IDI1: variants seen among roughly 807,000 people sequenced by gnomAD.
IDI1 encodes isopentenyl-diphosphate Delta-isomerase 1.
Under a neutral mutation model 32.9 loss-of-function variants are expected in IDI1, and 23 were observed. That is an observed-to-expected ratio of 0.70 (90% confidence interval 0.50 to 0.99). IDI1 has a LOEUF of 0.99. Among genes scored for constraint, IDI1 ranks in the 50% least tolerant of loss-of-function variants. The pLI, the probability that IDI1 is intolerant of heterozygous loss-of-function variation, is 0.00. For synonymous variants in IDI1, 133 were observed against 128.2 expected (o/e 1.04, Z -0.25); for missense variants, 326 against 351.9 (o/e 0.93, Z 0.59).
Position 1,041,734 on chromosome 10 carries a change from A to G in IDI1, c.538-230T>C, listed in dbSNP as rs76787281. Among the ~76,000 whole-genome samples, 1,032 of 148,938 alleles carry G rather than the reference A, an allele frequency of 6.9e-3. 18 individuals are homozygous for G. The highest frequency in any genetic ancestry group is 0.023 in the African/African-American group (907 of 39,814). On this transcript the variant is annotated intron_variant, in intron 4 of 4. Coordinates refer to ENST00000381344, the MANE Select transcript of IDI1 (RefSeq NM_004508.4). Reference sequence around the variant, plus strand: ...GTGTTTGCGTTTTTTTCCCGATCAGATAAGTTTTTTTTTTTTTAATGTTAA... The same window carrying G: ...GTGTTTGCGTTTTTTTCCCGATCAGGTAAGTTTTTTTTTTTTTAATGTTAA...
chr10:1,041,839 G>A (rs1832604833), intron 4 of IDI1, among the ~76,000 whole-genome samples: 1 of 139,708 alleles, frequency 7.2e-6, no homozygotes, highest in Admixed American at 7.8e-5. Flanking sequence ...ACGGAGTCTT[G>A]CTGTCACCCA....
At chr10:1,045,931 T>C (rs1350294948) in intron 1 of IDI1, among the ~76,000 whole-genome samples, 2 of 152,030 alleles carry the variant, frequency 1.3e-5, no homozygotes, top group African/African-American at 2.4e-5. Flanking sequence ...GATGGAGATA[T>C]TGATATCTAA....
chr10:1,048,616 A>C (rs564313480), intron 1 of IDI1: 1 of 1,401,560 alleles, frequency 7.1e-7, no homozygotes, highest in African/African-American at 1.5e-5. Context: ...GCTGACAAAG[A>C]ATGGCAACGT....
chr10:1,042,659 T>G lies in IDI1; in HGVS notation c.510A>C (p.Lys170Asn). The G allele has an allele frequency of 3.7e-6, 6 of 1,614,094 alleles. No homozygotes were observed. The highest frequency in any genetic ancestry group is 5.1e-6 in the Non-Finnish European group (6 of 1,179,974). Residue 170 changes from lysine to asparagine, a missense_variant, in exon 4 of 5, where the codon AAA (lysine) becomes AAC (asparagine). This residue lies in a region of IDI1 where 205 missense variants were observed against 273.5 expected (regional missense o/e 0.75). Coordinates refer to ENST00000381344, the MANE Select transcript of IDI1 (RefSeq NM_004508.4). ...GVRRAAQRRL[K>N]AELGIPLEEV... ...CTTCCAAGGGAATTCCTAGCTCAGC[T>G]TTCAGCCGTCTCTGTGCTGCTCGCC...
intron 2 of IDI1, 51 bp from the exon 3 acceptor site, chr10:1,043,444 G>T: frequency 9.0e-7 from 1 of 1,115,272 alleles, no homozygotes; most frequent in Non-Finnish European, 1.4e-6. Context: ...CCAGTTATTT[G>T]CCAAATTCTC....
upstream of IDI1, among the ~76,000 whole-genome samples, chr10:1,053,607 G>A (rs1027495517): frequency 3.3e-5 from 5 of 152,166 alleles, no homozygotes; most frequent in Non-Finnish European, 7.3e-5. Flanking sequence ...TCACGACTTA[G>A]CTGTTTCAAC....
chr10:1,041,526 AG>A, intron 4 of IDI1, 22 bp from the exon 5 acceptor site: 1 of 1,287,642 alleles, frequency 7.8e-7, no homozygotes, highest in Non-Finnish European at 1.1e-6. Context: ...AAAAAAAAAA[AG>A]TAATTAAAAC....
Position 1,044,008 on chromosome 10 carries a change from T to A in IDI1, c.304A>T (p.Ile102Phe). 6.2e-7 allele frequency: 1 copy of A among 1,610,774 alleles called. No homozygotes were observed. Among genetic ancestry groups the A allele is most frequent in the Non-Finnish European group, 8.5e-7 (1 of 1,179,088 alleles). The change falls in exon 2 of 5, where the codon ATT becomes TTT. Residue 102 changes from isoleucine to phenylalanine, a missense_variant. Transcript: ENST00000381344. ...TGTTTCAAAGCAGCACCTTTCTCAA[T>A]GTTCTCGTTCAGGTGACAATTCTTC... ...TKKNCHLNEN[I>F]EKGLLHRAFS...
At chr10:1,041,595 C>T (rs77166645) in intron 4 of IDI1, 91 bp from the exon 5 acceptor site, 11,245 of 629,852 alleles carry the variant, frequency 0.018, 691 homozygotes, top group African/African-American at 0.15. Context: ...AGCGATATCT[C>T]GAACAGCAGT....
rs1420470301 is a variant in IDI1 at position 1,040,326 on chromosome 10, C to G, written c.*861G>C. The G allele has an allele frequency of 1.3e-5, 2 of 152,252 alleles. No individual in the cohort carries two copies. Among genetic ancestry groups the G allele is most frequent in the African/African-American group, 2.4e-5 (1 of 41,450 alleles). 9.4% of individuals were successfully genotyped at this position (152,252 alleles called of 1,614,324 possible). ...GGGCATCTGGCAACATCCGGCATAACTGTGGGTGTCACATGAGAGGGACGC... is the reference window on the plus strand; with the variant it reads ...GGGCATCTGGCAACATCCGGCATAAGTGTGGGTGTCACATGAGAGGGACGC... On this transcript the variant is annotated 3_prime_UTR_variant, in exon 5 of 5. Transcript: ENST00000381344.
At chr10:1,055,156 C>G in the IDI1 span, among the ~76,000 whole-genome samples, 2 of 152,214 alleles carry the variant, frequency 1.3e-5, no homozygotes, top group Non-Finnish European at 2.9e-5. Context: ...CTGATGCCAG[C>G]CTTTAGTCTT....
At position 1,044,090 on chromosome 10, in the gene IDI1, CAGG is replaced by C. The variant is rs771654718; in HGVS notation, c.219_221del (p.Leu74del). 9 of 1,613,624 alleles carry C rather than the reference CAGG, an allele frequency of 5.6e-6. No individual in the cohort carries two copies. The highest frequency in any genetic ancestry group is 7.6e-6 in the Non-Finnish European group (9 of 1,179,586). On this transcript the variant is annotated inframe_deletion, in exon 2 of 5. Transcript: ENST00000381344. Reference sequence around the variant, plus strand: ...CATCAATAAGGATACACATCTCTGCCAGGAGTTGAACCTGTTGCTTGTCGAGGT... The same window carrying C: ...CATCAATAAGGATACACATCTCTGCCAGTTGAACCTGTTGCTTGTCGAGGT...
chr10:1,048,577 G>C (rs1183964241), intron 1 of IDI1: 27 of 1,360,084 alleles, frequency 2.0e-5, no homozygotes, highest in Non-Finnish European at 2.6e-5. Flanking sequence ...TAAACCTCAG[G>C]TGACTGTGCG....
chr10:1,041,567 A>G, intron 4 of IDI1, 63 bp from the exon 5 acceptor site: 1 of 890,658 alleles, frequency 1.1e-6, no homozygotes, highest in Non-Finnish European at 1.7e-6. Context: ...AAAATCTAAA[A>G]TTAGCTCACT....
At chr10:1,046,306 T>A (rs970319786) in intron 1 of IDI1, among the ~76,000 whole-genome samples, 1 of 152,236 alleles carries the variant, frequency 6.6e-6, no homozygotes, top group Non-Finnish European at 1.5e-5. Context: ...GCTAATGATG[T>A]TGTAGCCATT....
chr10:1,041,526 AGT>A, intron 4 of IDI1, 22 bp from the exon 5 acceptor site: 6 of 1,287,488 alleles, frequency 4.7e-6, no homozygotes, highest in Non-Finnish European at 5.4e-6. Flanking sequence ...AAAAAAAAAA[AGT>A]AATTAAAACA....
upstream of IDI1, among the ~76,000 whole-genome samples, chr10:1,050,991 C>T (rs982208995): frequency 5.9e-5 from 9 of 152,188 alleles, no homozygotes; most frequent in Admixed American, 2.0e-4. Context: ...CCCCAAAACA[C>T]GAGTGGTGGA....
At chr10:1,043,164 G>A in intron 3 of IDI1, 137 bp downstream of exon 3, 2 of 623,224 alleles carry the variant, frequency 3.2e-6, no homozygotes, top group Non-Finnish European at 2.9e-6. Context: ...CACTCATTGT[G>A]TAAACTCACT....
At chr10:1,049,472 T>TCCC (rs72449284), upstream of IDI1, 322 of 107,136 alleles carry the variant, frequency 3.0e-3, 1 homozygote, top group Middle Eastern at 5.4e-3. Flanking sequence ...CTCCCCCCCC[T>TCCC]CCCCCCCCCC....
Sources: gnomAD v4.1 joint callset for allele counts (sites outside exome capture counted in the v4.1 genomes callset) on GRCh38, gnomAD v4.1.1 for gene constraint, gnomAD v4.1.1 regional missense constraint, MANE v1.5 for transcripts, NCBI Gene and HGNC (gene_info 2026-07-23, HGNC 2026-07-21) for gene names.